Variants in PPARGC1A observed in about 807,000 individuals in gnomAD.
PPARGC1A encodes the protein PPARG coactivator 1 alpha.
In PPARGC1A, 25 loss-of-function variants were observed where a neutral mutation model predicts 88.7. The observed-to-expected ratio is 0.28, with a 90% CI of 0.21 to 0.39. The LOEUF is 0.39. Ranked by LOEUF, PPARGC1A falls within the 10% of genes least tolerant of loss-of-function variation. The probability of loss-of-function intolerance (pLI) is 1.00; values close to 1 mark genes in which losing one functional copy is unlikely to be tolerated. For synonymous variants in PPARGC1A, 363 were observed against 355.6 expected, an observed-to-expected ratio of 1.02 and a Z score of -0.24; for missense variants, 880 against 968.7, an observed-to-expected ratio of 0.91 and a Z score of 1.22.
At chr4:23,833,508 T>A (rs1213463465) in intron 2 of PPARGC1A, among the ~76,000 whole-genome samples, 2 of 152,222 alleles carry the variant, frequency 1.3e-5, no homozygotes, top group African/African-American at 4.8e-5. Flanking sequence ...TGACATCTAA[T>A]GAAGCTAGCA....
chr4:24,423,186 G>A, the PPARGC1A span, among the ~76,000 whole-genome samples: 1 of 152,102 alleles, frequency 6.6e-6, no homozygotes, highest in Non-Finnish European at 1.5e-5. Flanking sequence ...TCCTCCCTCT[G>A]GAGGTCTGTA....
chr4:24,446,388 G>A, the PPARGC1A span, among the ~76,000 whole-genome samples: 1 of 152,144 alleles, frequency 6.6e-6, no homozygotes, highest in African/African-American at 2.4e-5. Flanking sequence ...TCGGAGAAAT[G>A]TCTATTCAAG....
the PPARGC1A span, among the ~76,000 whole-genome samples, chr4:24,234,514 T>C: frequency 6.6e-6 from 1 of 152,104 alleles, no homozygotes; most frequent in South Asian, 2.1e-4. Flanking sequence ...TGATATCAAA[T>C]TAGATGGGAA....
intron 10 of PPARGC1A, among the ~76,000 whole-genome samples, chr4:23,807,332 G>C (rs1272472253): frequency 6.6e-6 from 1 of 152,246 alleles, no homozygotes; most frequent in East Asian, 1.9e-4. Flanking sequence ...CCTACTACTA[G>C]GGGGTGTTCT....
the PPARGC1A span, among the ~76,000 whole-genome samples, chr4:23,978,521 A>G: frequency 1.6e-4 from 25 of 152,184 alleles, no homozygotes; most frequent in African/African-American, 6.0e-4. Flanking sequence ...CACATCATCT[A>G]TGGAATGACA....
At chr4:23,944,837 A>T in the PPARGC1A span, among the ~76,000 whole-genome samples, 1 of 152,128 alleles carries the variant, frequency 6.6e-6, no homozygotes, top group South Asian at 2.1e-4. Flanking sequence ...AAGTTTCCTG[A>T]GGTTTCCCCA....
intron 1 of PPARGC1A, among the ~76,000 whole-genome samples, chr4:23,895,651 A>G (rs184913960): frequency 6.6e-6 from 1 of 152,208 alleles, no homozygotes; most frequent in East Asian, 1.9e-4. Flanking sequence ...ATTGACCTCT[A>G]CATTTAGCAG....
chr4:24,267,898 T>C, the PPARGC1A span, among the ~76,000 whole-genome samples: 2 of 152,174 alleles, frequency 1.3e-5, no homozygotes, highest in Non-Finnish European at 2.9e-5. Context: ...TATAAAAGAA[T>C]TATCTTTGTG....
the PPARGC1A span, among the ~76,000 whole-genome samples, chr4:24,291,299 A>G: frequency 6.6e-6 from 1 of 152,230 alleles, no homozygotes; most frequent in Non-Finnish European, 1.5e-5. Flanking sequence ...ATAATAAATT[A>G]GCTTCTTCCC....
At chr4:24,171,057 A>G in the PPARGC1A span, among the ~76,000 whole-genome samples, 443 of 150,840 alleles carry the variant, frequency 2.9e-3, 2 homozygotes, top group African/African-American at 0.01. Flanking sequence ...TTTCTCCCTC[A>G]CAATCTTCAT....
chr4:23,887,544 A>G (rs1317430020), intron 1 of PPARGC1A, among the ~76,000 whole-genome samples: 1 of 152,186 alleles, frequency 6.6e-6, no homozygotes, highest in Non-Finnish European at 1.5e-5. Context: ...TGTAGCCTCA[A>G]TTTTATAATA....
the PPARGC1A span, among the ~76,000 whole-genome samples, chr4:24,308,292 CGAAAAAAAAAAAAAAAAAAAAAGA>C: frequency 8.3e-5 from 1 of 12,016 alleles, no homozygotes; most frequent in African/African-American, 4.0e-4. Context: ...ACTCTGCCAC[CGAAAAAAAAAAAAAAAAAAAAAGA>C]GAAAAGAAAA....
the PPARGC1A span, among the ~76,000 whole-genome samples, chr4:24,399,953 T>C: frequency 2.6e-5 from 4 of 151,916 alleles, no homozygotes. Context: ...ACCTGGCTAA[T>C]TTTTGTAATT....
chr4:24,408,401 G>A, the PPARGC1A span, among the ~76,000 whole-genome samples: 113,088 of 151,902 alleles, frequency 0.74, 42,167 homozygotes, highest in Admixed American at 0.78. Flanking sequence ...AATTGGGTCA[G>A]TTCAAACACT....
chr4:24,191,251 T>C, the PPARGC1A span, among the ~76,000 whole-genome samples: 1 of 152,144 alleles, frequency 6.6e-6, no homozygotes, highest in Non-Finnish European at 1.5e-5. Context: ...GAAAGAGAAA[T>C]AGCATCCAGT....
the PPARGC1A span, among the ~76,000 whole-genome samples, chr4:24,363,188 T>C: frequency 2.0e-5 from 3 of 152,210 alleles, no homozygotes; most frequent in Non-Finnish European, 4.4e-5. Flanking sequence ...TTTATAAACA[T>C]TGTATTTGTT....
chr4:24,137,096 A>G, the PPARGC1A span, among the ~76,000 whole-genome samples: 1 of 149,718 alleles, frequency 6.7e-6, no homozygotes, highest in Non-Finnish European at 1.5e-5. Flanking sequence ...CCCGGGTGAC[A>G]CAGCGAGACT....
At chr4:24,243,590 A>G in the PPARGC1A span, among the ~76,000 whole-genome samples, 10 of 152,354 alleles carry the variant, frequency 6.6e-5, no homozygotes, top group Admixed American at 6.5e-4. Flanking sequence ...GTCATGGCAA[A>G]TAGAAAGAGT....
intron 1 of PPARGC1A, among the ~76,000 whole-genome samples, chr4:23,887,876 T>C (rs1023023677): frequency 6.6e-6 from 1 of 152,086 alleles, no homozygotes; most frequent in Non-Finnish European, 1.5e-5. Context: ...CAGTAAAGAA[T>C]GACAGTCTTA....
Sources: allele counts gnomAD v4.1 joint callset (sites outside exome capture counted in the v4.1 genomes callset), GRCh38; gene constraint gnomAD v4.1.1; transcripts MANE v1.5; gene names NCBI Gene and HGNC (gene_info 2026-07-23, HGNC 2026-07-21).